NUP107: variants seen among roughly 807,000 people sequenced by gnomAD.
NUP107 encodes nucleoporin 107, also known as nuclear pore complex protein Nup107.
NUP107 carries 101 observed loss-of-function variants against 141.0 expected under a neutral mutation model. That is an observed-to-expected ratio of 0.72 (90% confidence interval 0.61 to 0.84). NUP107 has a LOEUF of 0.84. NUP107 is among the 40% of genes least tolerant of loss of function. The pLI is 0.00. For synonymous variants in NUP107, 319 were observed against 363.9 expected (o/e 0.88, Z 1.41); for missense variants, 941 against 1,102.7 (o/e 0.85, Z 2.08).
chr12:68,725,842 T>TTG lies in NUP107; in HGVS notation c.1576+47_1576+48insGT, dbSNP rs750285475. 82 of 1,055,614 alleles carry TTG rather than the reference T, an allele frequency of 7.8e-5. 1 individual carries two copies. The highest frequency in any genetic ancestry group is 6.3e-4 in the East Asian group (26 of 41,442). The allele number at this position is 1,055,614 out of a possible 1,614,324, so 65.4% of individuals were successfully genotyped here. ...ACTTTGTGTTTTTTGTGTGTGTTTT[T>TTG]TTTTTTTTTTTTGAGACAAAGTCTC... is the stretch of plus-strand genomic sequence containing the variant. On this transcript the variant is annotated intron_variant, in intron 18 of 27. Coordinates refer to ENST00000229179, the MANE Select transcript of NUP107 (RefSeq NM_020401.4).
At chr12:68,693,085 A>ATT (rs912996097) in intron 5 of NUP107, among the ~76,000 whole-genome samples, 18 of 132,116 alleles carry the variant, frequency 1.4e-4, no homozygotes, top group African/African-American at 4.2e-4. Flanking sequence ...TTATTTATTT[A>ATT]TTTTTTTTTT....
At chr12:68,711,169 G>A (rs779148620) in intron 10 of NUP107, among the ~76,000 whole-genome samples, 1 of 151,826 alleles carries the variant, frequency 6.6e-6, no homozygotes, top group Non-Finnish European at 1.5e-5. Context: ...TGGCTAATGC[G>A]GTGAAACCCA....
intron 7 of NUP107, among the ~76,000 whole-genome samples, chr12:68,701,508 G>A (rs776832687): frequency 3.3e-5 from 5 of 151,696 alleles, no homozygotes; most frequent in Non-Finnish European, 5.9e-5. Context: ...ACAGTAGAAC[G>A]CTGTCTCTAC....
rs781617870 is a variant in NUP107 at position 68,696,887 on chromosome 12, C to T, written c.517C>T (p.Leu173Phe). The T allele has an allele frequency of 6.2e-7, 1 of 1,606,878 alleles. No individual in the cohort carries two copies. Among genetic ancestry groups the T allele is most frequent in the South Asian group, 1.1e-5 (1 of 90,372 alleles). Reference sequence around the variant, plus strand: ...GCACTCTTCGAGTACAGTTTTTGATCTTGTGGAAGAGTATGAAAACATCTG... The same window carrying T: ...GCACTCTTCGAGTACAGTTTTTGATTTTGTGGAAGAGTATGAAAACATCTG... ...LKHSSSTVFD[L>F]VEEYENICGS... is the part of the protein sequence containing the mutation. Residue 173 changes from leucine to phenylalanine, a missense_variant, in exon 6 of 28, where the codon CTT becomes TTT. Transcript: ENST00000229179.
At chr12:68,692,461 C>T (rs1875850298) in intron 5 of NUP107, among the ~76,000 whole-genome samples, 2 of 152,004 alleles carry the variant, frequency 1.3e-5, no homozygotes, top group South Asian at 4.1e-4. Flanking sequence ...CACCTGTAAT[C>T]CCAGCTACTT....
chr12:68,713,204 T>C (rs2136022090), intron 10 of NUP107, among the ~76,000 whole-genome samples: 1 of 151,380 alleles, frequency 6.6e-6, no homozygotes, highest in East Asian at 1.9e-4. Context: ...GAGACCCCCA[T>C]CTCTACAAAA....
intron 17 of NUP107, among the ~76,000 whole-genome samples, chr12:68,725,265 C>G (rs1877511368): frequency 6.6e-6 from 1 of 151,964 alleles, no homozygotes; most frequent in Non-Finnish European, 1.5e-5. Flanking sequence ...CTACTCTGTA[C>G]CTGATCACTA....
intron 5 of NUP107, among the ~76,000 whole-genome samples, chr12:68,693,636 T>C (rs1875919949): frequency 6.6e-6 from 1 of 152,216 alleles, no homozygotes; most frequent in African/African-American, 2.4e-5. Context: ...GTCTTCTGTC[T>C]ATAATATATT....
chr12:68,700,680 A>C, intron 6 of NUP107, 46 bp from the exon 7 acceptor site: 1 of 1,424,398 alleles, frequency 7.0e-7, no homozygotes, highest in Non-Finnish European at 9.4e-7. Context: ...TCAGTGACTC[A>C]AAATTGTAGA....
chr12:68,699,513 A>T (rs12811375), intron 6 of NUP107, among the ~76,000 whole-genome samples: 5,218 of 152,334 alleles, frequency 0.034, 131 homozygotes, highest in African/African-American at 0.06. Context: ...TCAATAATTG[A>T]CCTCTGAATT....
intron 26 of NUP107, among the ~76,000 whole-genome samples, 176 bp from the exon 27 acceptor site, chr12:68,741,637 G>A (rs183383101): frequency 3.9e-5 from 6 of 152,250 alleles, no homozygotes; most frequent in Admixed American, 2.0e-4. Flanking sequence ...AAATGCAGAA[G>A]CATTTTATTT....
intron 8 of NUP107, among the ~76,000 whole-genome samples, chr12:68,703,128 GAGCCACTGCGCCC>G (rs1480876950): frequency 1.3e-5 from 2 of 152,196 alleles, no homozygotes; most frequent in Non-Finnish European, 2.9e-5. Context: ...TTACAGGCAT[GAGCCACTGCGCCC>G]AGCCAGGATT....
intron 27 of NUP107, 78 bp downstream of exon 27, chr12:68,742,058 GT>G: frequency 8.8e-7 from 1 of 1,141,560 alleles, no homozygotes; most frequent in Non-Finnish European, 1.2e-6. Context: ...GTGAAGATGT[GT>G]TTACATTTGT....
rs1382670500 is a variant in NUP107 at position 68,744,632 on chromosome 12, C to T, written c.*2170C>T. On this transcript the variant is annotated 3_prime_UTR_variant, in exon 28 of 28. Coordinates refer to ENST00000229179, the MANE Select transcript of NUP107 (RefSeq NM_020401.4). The stretch of plus-strand genomic sequence containing the variant: ...CTCTTGACCTCAAGTGATCCACTCG[C>T]CTCGATCTCTCAAAGTGCTGGGATT... 1 of 152,334 alleles carries T rather than the reference C, an allele frequency of 6.6e-6. No individual in the cohort carries two copies. 9.4% of individuals were successfully genotyped at this position (152,334 alleles called of 1,614,324 possible). A position where few individuals can be genotyped will look rare whatever the true frequency, so the allele number is the denominator to read the frequency against.
chr12:68,716,539 A>G (rs1441637506), intron 12 of NUP107, among the ~76,000 whole-genome samples: 2 of 152,096 alleles, frequency 1.3e-5, no homozygotes, highest in Non-Finnish European at 2.9e-5. Context: ...CCCAATCTTC[A>G]TTATTTCTAA....
intron 17 of NUP107, among the ~76,000 whole-genome samples, chr12:68,722,734 AT>A (rs1592513736): frequency 2.0e-5 from 3 of 151,906 alleles, no homozygotes; most frequent in Admixed American, 6.6e-5. Flanking sequence ...CTACAGCTTG[AT>A]TTTTTTCATT....
rs749734827 is a variant in NUP107 at position 68,734,815 on chromosome 12, CAAAG to C, written c.2374_2377del (p.Glu792ArgfsTer17). 1 of 1,611,170 alleles carries C rather than the reference CAAAG, an allele frequency of 6.2e-7. No individual in the cohort carries two copies. Among genetic ancestry groups the C allele is most frequent in the Non-Finnish European group, 8.5e-7 (1 of 1,179,284 alleles). ...TTACTGAGAAAGTGGCTCATGAACA[CAAAG>C]AAAAGAAATATGAAGTAAGTTAAAT... On this transcript the variant is annotated frameshift_variant, in exon 25 of 28. Coordinates refer to ENST00000229179, the MANE Select transcript of NUP107 (RefSeq NM_020401.4). LOFTEE classifies it high-confidence loss of function.
chr12:68,716,703 A>C (rs1877129434), intron 12 of NUP107, among the ~76,000 whole-genome samples: 1 of 152,182 alleles, frequency 6.6e-6, no homozygotes, highest in African/African-American at 2.4e-5. Flanking sequence ...TAGAATGATA[A>C]GTATCTAATT....
At chr12:68,714,243 T>C in intron 11 of NUP107, 1 of 153,166 alleles carries the variant, frequency 6.5e-6, no homozygotes, top group Non-Finnish European at 1.5e-5. Context: ...TGAAGCTTTA[T>C]GACAGGGCAC....
Sources: allele counts gnomAD v4.1 joint callset (sites outside exome capture counted in the v4.1 genomes callset), GRCh38; gene constraint gnomAD v4.1.1; transcripts MANE v1.5; gene names NCBI Gene and HGNC (gene_info 2026-07-23, HGNC 2026-07-21).